Variants in TBCD observed in about 807,000 individuals in gnomAD.
The protein encoded by TBCD is tubulin-specific chaperone D.
In TBCD, 105 loss-of-function variants were observed where a neutral mutation model predicts 169.3. The observed-to-expected ratio is 0.62, with a 90% CI of 0.53 to 0.73. The LOEUF (loss-of-function observed/expected upper bound fraction) is 0.73, where lower values mean the gene tolerates loss of function less well. Ranked by LOEUF, TBCD falls within the 30% of genes least tolerant of loss-of-function variation. The probability of loss-of-function intolerance (pLI) is 0.00; values close to 1 mark genes in which losing one functional copy is unlikely to be tolerated. For missense variants in TBCD, 1,444 were observed against 1,600.1 expected (o/e 0.90, Z 1.66); for synonymous variants, 700 against 643.9 (o/e 1.09, Z -1.32).
chr17:82,924,487 T>C (rs10163477), intron 26 of TBCD, among the ~76,000 whole-genome samples: 2 of 152,126 alleles, frequency 1.3e-5, no homozygotes, highest in African/African-American at 4.8e-5. Context: ...ATCGTACTTT[T>C]ATTTTTAAAG....
rs56118686 is a variant in TBCD, at chr17:82,890,774, C to T, written c.1563+1077C>T. 0.028 allele frequency among the ~76,000 whole-genome samples: 4,227 copies of T among 152,280 alleles called. 205 individuals are homozygous for T. The highest frequency in any genetic ancestry group is 0.096 in the African/African-American group (3,979 of 41,550). ...TCAGAGCCCTGAGCCCTGGTCGGAG[C>T]CAGTTCACTAGGAAGAGACACCAGC... On this transcript the variant is annotated intron_variant, in intron 16 of 38. Coordinates refer to ENST00000355528, the MANE Select transcript of TBCD (RefSeq NM_005993.5). This position sits in a 1 kb window ranked among gnomAD's most constrained non-coding sequence, Gnocchi z 5.3.
intron 17 of TBCD, among the ~76,000 whole-genome samples, chr17:82,896,421 T>C (rs1684320159): frequency 1.3e-5 from 2 of 150,864 alleles, no homozygotes; most frequent in Admixed American, 1.3e-4. Context: ...TTCTCTGGCA[T>C]AGATGCCCAG....
chr17:82,876,110 A>G (rs2057952551), intron 14 of TBCD, among the ~76,000 whole-genome samples: 1 of 152,234 alleles, frequency 6.6e-6, no homozygotes, highest in African/African-American at 2.4e-5. Flanking sequence ...TATTATATAA[A>G]TAAGAAAACT....
intron 13 of TBCD, among the ~76,000 whole-genome samples, chr17:82,846,354 C>G (rs1453238540): frequency 6.6e-6 from 1 of 151,002 alleles, no homozygotes; most frequent in African/African-American, 2.4e-5. Context: ...TCTGCTGCCC[C>G]CTCCATGCGC....
At chr17:82,887,602 G>C (rs2058846192) in intron 15 of TBCD, among the ~76,000 whole-genome samples, 1 of 152,182 alleles carries the variant, frequency 6.6e-6, no homozygotes. Flanking sequence ...TTTCGTGTGA[G>C]TGTAACTTCC....
At chr17:82,865,257 C>T (rs2057083875) in intron 13 of TBCD, among the ~76,000 whole-genome samples, 1 of 151,924 alleles carries the variant, frequency 6.6e-6, no homozygotes, top group Non-Finnish European at 1.5e-5. Flanking sequence ...CAGGGACGGC[C>T]ACACGGATGG....
At chr17:82,816,229 T>C (rs767603399) in intron 13 of TBCD, among the ~76,000 whole-genome samples, 4 of 152,226 alleles carry the variant, frequency 2.6e-5, no homozygotes, top group Non-Finnish European at 5.9e-5. Context: ...CCTTCCTTCC[T>C]GTGGCAGAGC....
At chr17:82,776,465 C>G (rs1443762909) in intron 6 of TBCD, among the ~76,000 whole-genome samples, 1 of 152,176 alleles carries the variant, frequency 6.6e-6, no homozygotes, top group Non-Finnish European at 1.5e-5. Flanking sequence ...ATAGGTAATT[C>G]TTATACACAG....
In TBCD at chr17:82,832,403, G is replaced by T. The variant is rs1248548357; in HGVS notation, c.1318+17469G>T. 1.9e-6 allele frequency: 3 copies of T among 1,614,108 alleles called. No individual in the cohort carries two copies. The highest frequency in any genetic ancestry group is 1.1e-5 in the South Asian group (1 of 91,084). ...TTATACTTGAAGGGCTTTCCTGGAG[G>T]CCTGGGGATGTAATGTGGCTTTTTT... On this transcript the variant is annotated intron_variant, in intron 13 of 38. Coordinates refer to ENST00000355528, the MANE Select transcript of TBCD (RefSeq NM_005993.5). This position sits in a 1 kb window ranked among gnomAD's most constrained non-coding sequence, Gnocchi z 4.9.
At chr17:82,840,959 T>G (rs2054454016) in intron 13 of TBCD, among the ~76,000 whole-genome samples, 5 of 116,654 alleles carry the variant, frequency 4.3e-5, no homozygotes, top group Admixed American at 2.4e-4. Flanking sequence ...AACTGGTTTT[T>G]TTTTTTTTTT....
rs1348170773 is a variant in TBCD at position 82,920,372 on chromosome 17, TGG to T, written c.2039-182_2039-181del. On this transcript the variant is annotated intron_variant, in intron 23 of 38. Transcript: ENST00000355528. This position sits in a 1 kb window ranked among gnomAD's most constrained non-coding sequence, Gnocchi z 4.1. Reference sequence around the variant, plus strand: ...AGGCTGCTCAGCGGAGGAGGCGTCTTGGGCTTCTCATGGTGGTTCTGAAATGG... The same window carrying T: ...AGGCTGCTCAGCGGAGGAGGCGTCTTGCTTCTCATGGTGGTTCTGAAATGG... 1.3e-5 allele frequency: 8 copies of T among 632,320 alleles called. No homozygotes were observed. In the East Asian group the frequency reaches 2.2e-4, roughly 17 times the overall value. 39.2% of individuals were successfully genotyped at this position (632,320 alleles called of 1,614,324 possible). A position where few individuals can be genotyped will look rare whatever the true frequency, so the allele number is the denominator to read the frequency against.
Position 82,806,996 on chromosome 17 carries a change from A to G in TBCD, c.1088-612A>G, listed in dbSNP as rs1197258442. On this transcript the variant is annotated intron_variant, in intron 10 of 38. Transcript: ENST00000355528. The surrounding 1 kb of genome is among the most constrained non-coding windows in gnomAD (Gnocchi z 5.1). The stretch of plus-strand genomic sequence containing the variant: ...AGGCAGTCCCCCCTGCCCGCATTCC[A>G]GCTGCTGTGCTGGCTCCAGACTGTC... Among the ~76,000 whole-genome samples the G allele has an allele frequency of 1.3e-5, 2 of 152,034 alleles. No individual in the cohort carries two copies. The highest frequency in any genetic ancestry group is 3.9e-4 in the East Asian group (2 of 5,166).
intron 26 of TBCD, 118 bp from the exon 27 acceptor site, chr17:82,924,821 C>A: frequency 1.3e-6 from 1 of 751,710 alleles, no homozygotes; most frequent in Non-Finnish European, 2.1e-6. Context: ...CTTTGGGAAC[C>A]TCAGGCGGCT....
At chr17:82,929,340 T>C in intron 31 of TBCD, 22 bp from the exon 32 acceptor site, 1 of 1,610,682 alleles carries the variant, frequency 6.2e-7, no homozygotes, top group Non-Finnish European at 8.5e-7. Context: ...AGCCCGGCCT[T>C]GTCTCACTCA....
intron 4 of TBCD, among the ~76,000 whole-genome samples, chr17:82,768,042 C>G (rs964597697): frequency 6.6e-6 from 1 of 152,002 alleles, no homozygotes; most frequent in Non-Finnish European, 1.5e-5. Flanking sequence ...ACCACCACAC[C>G]TGGCCTTTTT....
At chr17:82,834,643 C>T (rs748651978) in intron 13 of TBCD, among the ~76,000 whole-genome samples, 2 of 151,190 alleles carry the variant, frequency 1.3e-5, no homozygotes, top group Non-Finnish European at 2.9e-5. Flanking sequence ...TGCATGGTCT[C>T]ACCCATAAGT....
chr17:82,843,761 A>C (rs566066668), intron 13 of TBCD, among the ~76,000 whole-genome samples: 19 of 152,312 alleles, frequency 1.2e-4, no homozygotes, highest in African/African-American at 4.6e-4. Flanking sequence ...CATTCAGTGA[A>C]GGGCACAGGT....
At chr17:82,901,485 G>A (rs1215074205) in intron 18 of TBCD, among the ~76,000 whole-genome samples, 2 of 148,070 alleles carry the variant, frequency 1.4e-5, no homozygotes, top group East Asian at 3.9e-4. Flanking sequence ...GCTGCCTGCC[G>A]TGGTCCTGCT....
chr17:82,915,245 G>A lies in TBCD; in HGVS notation c.2038+3456G>A, dbSNP rs1191309020. Among the ~76,000 whole-genome samples, 2 of 152,152 alleles carry A rather than the reference G, an allele frequency of 1.3e-5. No homozygotes were observed. The highest frequency in any genetic ancestry group is 2.4e-5 in the African/African-American group (1 of 41,428). On this transcript the variant is annotated intron_variant, in intron 23 of 38. Coordinates refer to ENST00000355528, the MANE Select transcript of TBCD (RefSeq NM_005993.5). This position sits in a 1 kb window ranked among gnomAD's most constrained non-coding sequence, Gnocchi z 4.3. Reference sequence around the variant, plus strand: ...TGCCGCCCGCAGGAGCATCAGGTGCGCCCTGGCCGCAGGTGCCCCGGAGGT... The same window carrying A: ...TGCCGCCCGCAGGAGCATCAGGTGCACCCTGGCCGCAGGTGCCCCGGAGGT...
Sources: allele counts gnomAD v4.1 joint callset (sites outside exome capture counted in the v4.1 genomes callset), GRCh38; gene constraint gnomAD v4.1.1; non-coding constraint Gnocchi (gnomAD v3.1); transcripts MANE v1.5; gene names NCBI Gene and HGNC (gene_info 2026-07-23, HGNC 2026-07-21).